Variants in PLSCR4 observed in about 807,000 individuals in gnomAD.
The protein encoded by PLSCR4 is phospholipid scramblase 4, also known as Ca(2+)-dependent phospholipid scramblase 4.
A neutral mutation model predicts 36.3 loss-of-function variants in PLSCR4; 25 were observed. The observed-to-expected ratio is 0.69, with a 90% CI of 0.50 to 0.96. The LOEUF (loss-of-function observed/expected upper bound fraction) is 0.96. Ranked by LOEUF, PLSCR4 falls within the 40% of genes least tolerant of loss-of-function variation. The pLI, the probability that PLSCR4 is intolerant of heterozygous loss-of-function variation, is 0.00. For missense variants in PLSCR4, 408 were observed against 414.7 expected (o/e 0.98, Z 0.14); for synonymous variants, 122 against 132.9 (o/e 0.92, Z 0.56).
At chr3:146,246,124 A>G (rs2036328922) in intron 1 of PLSCR4, among the ~76,000 whole-genome samples, 1 of 152,154 alleles carries the variant, frequency 6.6e-6, no homozygotes, top group Non-Finnish European at 1.5e-5. Flanking sequence ...AGATAAACCT[A>G]GGTCCATGTT....
intron 1 of PLSCR4, among the ~76,000 whole-genome samples, chr3:146,249,043 G>A (rs1442095306): frequency 6.6e-6 from 1 of 151,770 alleles, no homozygotes; most frequent in African/African-American, 2.4e-5. Flanking sequence ...TCCTTAACTG[G>A]GTCATTGATT....
intron 3 of PLSCR4, 111 bp from the exon 4 acceptor site, chr3:146,206,872 T>A (rs1047869201): frequency 3.1e-5 from 22 of 698,814 alleles, no homozygotes; most frequent in Admixed American, 1.4e-4. Context: ...TAACAACTTG[T>A]TCCATTTTTG....
chr3:146,210,834 G>A (rs2034577380), intron 3 of PLSCR4, among the ~76,000 whole-genome samples: 1 of 137,788 alleles, frequency 7.3e-6, no homozygotes, highest in African/African-American at 2.6e-5. Context: ...ACATACAATA[G>A]GCCTTTATGT....
intron 4 of PLSCR4, among the ~76,000 whole-genome samples, 173 bp from the exon 5 acceptor site, chr3:146,201,250 G>A (rs2034033322): frequency 6.6e-6 from 1 of 152,122 alleles, no homozygotes; most frequent in Non-Finnish European, 1.5e-5. Flanking sequence ...ATCTGCATCT[G>A]ATCGGATGGA....
chr3:146,198,457 G>A (rs772826916), intron 6 of PLSCR4, among the ~76,000 whole-genome samples: 10 of 152,198 alleles, frequency 6.6e-5, no homozygotes, highest in Non-Finnish European at 1.2e-4. Flanking sequence ...CTGGAGTGAA[G>A]TGGTGTAATC....
intron 1 of PLSCR4, among the ~76,000 whole-genome samples, chr3:146,239,099 T>C (rs536021601): frequency 6.6e-6 from 1 of 152,084 alleles, no homozygotes; most frequent in East Asian, 1.9e-4. Flanking sequence ...TTAAAGAAGA[T>C]CTAAATAAAA....
intron 1 of PLSCR4, among the ~76,000 whole-genome samples, chr3:146,236,383 A>C (rs996111788): frequency 6.6e-6 from 1 of 152,202 alleles, no homozygotes; most frequent in Non-Finnish European, 1.5e-5. Flanking sequence ...AAACAAAGAG[A>C]CTGAGGTTAA....
intron 1 of PLSCR4, among the ~76,000 whole-genome samples, chr3:146,246,116 A>G (rs1430403272): frequency 1.3e-5 from 2 of 152,148 alleles, no homozygotes; most frequent in African/African-American, 4.8e-5. Context: ...TGCACAAAAG[A>G]TAAACCTAGG....
intron 1 of PLSCR4, among the ~76,000 whole-genome samples, chr3:146,246,043 C>T (rs1212809979): frequency 6.6e-6 from 1 of 152,058 alleles, no homozygotes; most frequent in Non-Finnish European, 1.5e-5. Flanking sequence ...TTTCTGTAGA[C>T]ATCTTGTAAA....
intron 1 of PLSCR4, among the ~76,000 whole-genome samples, chr3:146,245,216 T>A (rs1180220205): frequency 6.6e-6 from 1 of 152,028 alleles, no homozygotes; most frequent in East Asian, 1.9e-4. Context: ...CCCAGATGAT[T>A]TTAATATATC....
chr3:146,237,165 C>T (rs2035953274), intron 1 of PLSCR4, among the ~76,000 whole-genome samples: 1 of 152,120 alleles, frequency 6.6e-6, no homozygotes, highest in Admixed American at 6.5e-5. Flanking sequence ...CAAAGAAGAG[C>T]TGCAGTGGCT....
At chr3:146,224,450 G>A (rs2035343113) in intron 1 of PLSCR4, among the ~76,000 whole-genome samples, 1 of 151,930 alleles carries the variant, frequency 6.6e-6, no homozygotes, top group African/African-American at 2.4e-5. Flanking sequence ...CGCGGTGAGT[G>A]TTACAGCTCT....
At chr3:146,228,405 C>G (rs1421513328) in intron 1 of PLSCR4, among the ~76,000 whole-genome samples, 1 of 151,830 alleles carries the variant, frequency 6.6e-6, no homozygotes, top group Non-Finnish European at 1.5e-5. Flanking sequence ...CTTCTATATC[C>G]AGTAATGTTC....
chr3:146,195,364 TA>T, intron 7 of PLSCR4, 82 bp from the exon 8 acceptor site: 1 of 1,102,056 alleles, frequency 9.1e-7, no homozygotes, highest in African/African-American at 1.5e-5. Context: ...TCAGATAACA[TA>T]AATACAATGC....
intron 1 of PLSCR4, among the ~76,000 whole-genome samples, chr3:146,238,927 G>C (rs1387967240): frequency 6.6e-6 from 1 of 152,038 alleles, no homozygotes; most frequent in Non-Finnish European, 1.5e-5. Context: ...CAGGATACAA[G>C]ACCATTATAC....
chr3:146,237,105 T>A (rs1355098823), intron 1 of PLSCR4, among the ~76,000 whole-genome samples: 2 of 151,994 alleles, frequency 1.3e-5, no homozygotes, highest in Non-Finnish European at 2.9e-5. Flanking sequence ...GAGACACAAT[T>A]TATAAAGACA....
At chr3:146,221,045 C>T in intron 2 of PLSCR4, 120 bp from the exon 3 acceptor site, 1 of 563,984 alleles carries the variant, frequency 1.8e-6, no homozygotes, top group East Asian at 3.0e-5. Context: ...AAAATACACT[C>T]CTATATTTTT....
At chr3:146,250,787 A>C (rs925427579) in intron 1 of PLSCR4, 173 bp downstream of exon 1, 3 of 152,130 alleles carry the variant, frequency 2.0e-5, no homozygotes, top group African/African-American at 4.8e-5. Flanking sequence ...CCACCTGAGG[A>C]TGCGACGCGA....
At chr3:146,241,466 C>T (rs371523564) in intron 1 of PLSCR4, among the ~76,000 whole-genome samples, 103 of 152,190 alleles carry the variant, frequency 6.8e-4, no homozygotes, top group Admixed American at 1.7e-3. Flanking sequence ...AATTTCTTAA[C>T]AAGATACAGC....
Sources: allele counts gnomAD v4.1 joint callset (sites outside exome capture counted in the v4.1 genomes callset), GRCh38; gene constraint gnomAD v4.1.1; transcripts MANE v1.5; gene names NCBI Gene and HGNC (gene_info 2026-07-23, HGNC 2026-07-21).